CMC1: variants seen among roughly 807,000 people sequenced by gnomAD.
CMC1 encodes C-X9-C motif containing 1.
In CMC1, 14 loss-of-function variants were observed where a neutral mutation model predicts 14.1. The ratio of observed to expected loss-of-function variants is 0.99; its 90% CI spans 0.66 to 1.55. The LOEUF is 1.55. CMC1 is among the 40% of genes most tolerant of loss of function. The pLI, the probability that CMC1 is intolerant of heterozygous loss-of-function variation, is 0.00. For missense variants in CMC1, 127 were observed against 123.8 expected (o/e 1.03, Z -0.12); for synonymous variants, 50 against 38.4 (o/e 1.30, Z -1.12).
intron 2 of CMC1, among the ~76,000 whole-genome samples, chr3:28,285,913 T>C (rs760786312): frequency 5.9e-5 from 9 of 151,948 alleles, no homozygotes; most frequent in Admixed American, 1.3e-4. Flanking sequence ...ACTACGCGCC[T>C]GCCACCACAC....
intron 2 of CMC1, among the ~76,000 whole-genome samples, chr3:28,284,730 CTGTGTGTGTGTG>C (rs147368414): frequency 6.7e-6 from 1 of 150,258 alleles, no homozygotes; most frequent in African/African-American, 2.4e-5. Context: ...TGTTAGATTT[CTGTGTGTGTGTG>C]TGTGTGTGTG....
chr3:28,294,104 G>A (rs1049764748), intron 2 of CMC1, among the ~76,000 whole-genome samples: 1 of 152,120 alleles, frequency 6.6e-6, no homozygotes, highest in African/African-American at 2.4e-5. Context: ...ACATATTAAT[G>A]TCTGGTTATG....
rs1336417370 is a variant in CMC1 at position 28,324,816 on chromosome 3, G to A, written c.*5187G>A. 3 of 163,714 alleles carry A rather than the reference G, an allele frequency of 1.8e-5. No individual in the cohort carries two copies. The highest frequency in any genetic ancestry group is 7.2e-5 in the African/African-American group (3 of 41,846). The allele number at this position is 163,714 out of a possible 1,614,324, so 10.1% of individuals were successfully genotyped here. On this transcript the variant is annotated 3_prime_UTR_variant, in exon 4 of 4. Transcript: ENST00000466830. ...CAGTTAAAATACAAATAAAGATCCT[G>A]TTCTTGGCTCTTATTGTGGCTGGAG... is the stretch of plus-strand genomic sequence containing the variant.
chr3:28,247,990 C>T (rs1485414218), intron 1 of CMC1, among the ~76,000 whole-genome samples: 1 of 152,054 alleles, frequency 6.6e-6, no homozygotes. Flanking sequence ...GGAGAGTTTT[C>T]CTGATTGCCA....
chr3:28,302,707 T>C (rs1341526781), intron 2 of CMC1, among the ~76,000 whole-genome samples: 15 of 152,188 alleles, frequency 9.9e-5, no homozygotes, highest in Admixed American at 9.8e-4. Flanking sequence ...AGGTATCTGA[T>C]GCTATTTGAT....
At position 28,295,533 on chromosome 3, in the gene CMC1, C is replaced by T. The variant is rs185726540; in HGVS notation, c.110-20800C>T. Reference sequence around the variant, plus strand: ...ATGACCCTACTGAAAATGTAACCTACTAGGTCCTTCCTCCTATAACTTCCT... The same window carrying T: ...ATGACCCTACTGAAAATGTAACCTATTAGGTCCTTCCTCCTATAACTTCCT... On this transcript the variant is annotated intron_variant, in intron 2 of 3. Coordinates refer to ENST00000466830, the MANE Select transcript of CMC1 (RefSeq NM_182523.2). Among the ~76,000 whole-genome samples the T allele has an allele frequency of 2.4e-4, 36 of 152,168 alleles. No individual in the cohort carries two copies. In the East Asian group the frequency reaches 6.6e-3, roughly 28 times the overall value.
rs1474855045 is a variant in CMC1 at position 28,322,785 on chromosome 3, G to A, written c.*3156G>A. The A allele has an allele frequency of 6.6e-6, 1 of 151,422 alleles. No homozygotes were observed. The highest frequency in any genetic ancestry group is 1.5e-5 in the Non-Finnish European group (1 of 67,338). The allele number at this position is 151,422 out of a possible 1,614,324, so 9.4% of individuals were successfully genotyped here. On this transcript the variant is annotated 3_prime_UTR_variant, in exon 4 of 4. Coordinates refer to ENST00000466830, the MANE Select transcript of CMC1 (RefSeq NM_182523.2). ...TAGAAAAAAATATCTAGTGAATGGC[G>A]AACATTGTCTATGTATGTATGCTAT...
At chr3:28,278,708 A>G (rs959424288) in intron 2 of CMC1, among the ~76,000 whole-genome samples, 1 of 152,232 alleles carries the variant, frequency 6.6e-6, no homozygotes, top group Non-Finnish European at 1.5e-5. Context: ...ACATGGTGTC[A>G]TAGCTCAATA....
rs576290222 is a variant in CMC1 at position 28,256,224 on chromosome 3, C to T, written c.20-7067C>T. On this transcript the variant is annotated intron_variant, in intron 1 of 3. Coordinates refer to ENST00000466830, the MANE Select transcript of CMC1 (RefSeq NM_182523.2). ...GTGTATATATATATATATATGTATA[C>T]GTGTCAAGAGATCTTGCAAGAAATT... Among the ~76,000 whole-genome samples, 62 of 150,084 alleles carry T rather than the reference C, an allele frequency of 4.1e-4. No individual in the cohort carries two copies. In the South Asian group the frequency reaches 5.3e-3, roughly 13 times the overall value.
At chr3:28,305,909 G>A (rs574166971) in intron 2 of CMC1, among the ~76,000 whole-genome samples, 6 of 148,048 alleles carry the variant, frequency 4.1e-5, no homozygotes, top group Non-Finnish European at 7.4e-5. Flanking sequence ...CACATGGCTA[G>A]CCAGTTTCCC....
At chr3:28,299,103 A>G (rs1701892487) in intron 2 of CMC1, among the ~76,000 whole-genome samples, 2 of 152,052 alleles carry the variant, frequency 1.3e-5, no homozygotes, top group Non-Finnish European at 2.9e-5. Context: ...TGCCCTGTGT[A>G]AGATATATTT....
intron 1 of CMC1, among the ~76,000 whole-genome samples, chr3:28,255,658 G>C (rs1699360901): frequency 6.6e-6 from 1 of 150,442 alleles, no homozygotes; most frequent in Non-Finnish European, 1.5e-5. Flanking sequence ...AGGCCTATAA[G>C]CTAGGAACGG....
intron 2 of CMC1, among the ~76,000 whole-genome samples, chr3:28,272,387 A>G (rs918078691): frequency 2.0e-5 from 3 of 152,108 alleles, no homozygotes; most frequent in African/African-American, 7.2e-5. Flanking sequence ...ATTTTGAGGT[A>G]TGTTCCATCA....
chr3:28,307,337 AAT>A (rs1368966917), intron 2 of CMC1, among the ~76,000 whole-genome samples: 1 of 152,184 alleles, frequency 6.6e-6, no homozygotes, highest in East Asian at 1.9e-4. Flanking sequence ...CAGCCTGTGC[AAT>A]ATAGCAAGAC....
intron 1 of CMC1, among the ~76,000 whole-genome samples, chr3:28,247,889 G>T (rs1698910379): frequency 6.6e-6 from 1 of 151,974 alleles, no homozygotes; most frequent in Non-Finnish European, 1.5e-5. Context: ...CGTACATGCT[G>T]TTCTCTCTAG....
At chr3:28,255,608 A>C (rs1376336774) in intron 1 of CMC1, among the ~76,000 whole-genome samples, 1 of 152,042 alleles carries the variant, frequency 6.6e-6, no homozygotes, top group East Asian at 1.9e-4. Context: ...TGATACAGCA[A>C]AGAGTTCAGC....
At chr3:28,244,536 T>C (rs1284922641) in intron 1 of CMC1, among the ~76,000 whole-genome samples, 1 of 152,132 alleles carries the variant, frequency 6.6e-6, no homozygotes. Context: ...GAGACCACCC[T>C]GGGCAACATG....
In CMC1 at chr3:28,324,478, T is replaced by TTA; in HGVS notation, c.*4849_*4850insTA. 7.0e-7 allele frequency: 1 copy of TTA among 1,435,676 alleles called. No homozygotes were observed. The highest frequency in any genetic ancestry group is 1.8e-5 in the South Asian group (1 of 55,280). 88.9% of individuals were successfully genotyped at this position (1,435,676 alleles called of 1,614,324 possible). A position where few individuals can be genotyped will look rare whatever the true frequency, so the allele number is the denominator to read the frequency against. On this transcript the variant is annotated 3_prime_UTR_variant, in exon 4 of 4. Transcript: ENST00000466830. Reference sequence around the variant, plus strand: ...GGCTAAAAAGAAAACACAGACTAAATGTCAGTTTTCATTACATTTGTGATC... The same window carrying TTA: ...GGCTAAAAAGAAAACACAGACTAAATTAGTCAGTTTTCATTACATTTGTGATC...
intron 2 of CMC1, among the ~76,000 whole-genome samples, chr3:28,313,823 G>A (rs1286633575): frequency 6.6e-6 from 1 of 152,210 alleles, no homozygotes; most frequent in Non-Finnish European, 1.5e-5. Flanking sequence ...ATTTATCTAA[G>A]TAAGTTAAAA....
Sources: gnomAD v4.1 joint callset for allele counts (sites outside exome capture counted in the v4.1 genomes callset) on GRCh38, gnomAD v4.1.1 for gene constraint, MANE v1.5 for transcripts, NCBI Gene and HGNC (gene_info 2026-07-23, HGNC 2026-07-21) for gene names.